The following CLMN variants were observed in gnomAD, a reference collection of about 807,000 sequenced individuals.
CLMN encodes the protein calmin (calponin-like, transmembrane).
A neutral mutation model predicts 92.7 loss-of-function variants in CLMN; 57 were observed. The ratio of observed to expected loss-of-function variants is 0.61; its 90% CI spans 0.50 to 0.77. The LOEUF is 0.77. Ranked by LOEUF, CLMN falls within the 30% of genes least tolerant of loss-of-function variation. The probability of loss-of-function intolerance (pLI) is 0.00; values close to 1 mark genes in which losing one functional copy is unlikely to be tolerated. For synonymous variants in CLMN, 466 were observed against 470.6 expected (o/e 0.99, Z 0.13); for missense variants, 1,158 against 1,237.5 (o/e 0.94, Z 0.96).
intron 1 of CLMN, chr14:95,307,409 T>C (rs1901332748): frequency 6.6e-6 from 1 of 152,278 alleles, no homozygotes; most frequent in South Asian, 2.1e-4. Context: ...CAAATCCAAG[T>C]GTAGCAGTGC....
chr14:95,213,079 G>A (rs955928827), intron 6 of CLMN, 140 bp downstream of exon 6: 8 of 894,610 alleles, frequency 8.9e-6, no homozygotes, highest in East Asian at 2.8e-5. Flanking sequence ...GAGCCACCGC[G>A]CCTGCCCCCT....
chr14:95,290,627 A>C (rs895505565), intron 1 of CLMN, among the ~76,000 whole-genome samples: 1 of 152,234 alleles, frequency 6.6e-6, no homozygotes, highest in African/African-American at 2.4e-5. Context: ...CTTCAGAAGG[A>C]ACGCAGTATT....
rs570995733 is a variant in CLMN at position 95,314,559 on chromosome 14, C to T, written c.82+5152G>A. On this transcript the variant is annotated intron_variant, in intron 1 of 12. Coordinates refer to ENST00000298912, the MANE Select transcript of CLMN (RefSeq NM_024734.4). ...CCCTCTCATTTTGCAAATGAGGAAA[C>T]TAAGGAACCACAAGGGAGAGAGATT... Among the ~76,000 whole-genome samples the T allele has an allele frequency of 2.0e-5, 3 of 152,290 alleles. No individual in the cohort carries two copies. The East Asian group carries it at 5.8e-4, about 29-fold the overall frequency.
In CLMN at chr14:95,182,696, G is replaced by A. The variant is rs1896356265; in HGVS notation, c.*8868C>T. 1 of 152,184 alleles carries A rather than the reference G, an allele frequency of 6.6e-6. No homozygotes were observed. The highest frequency in any genetic ancestry group is 2.4e-5 in the African/African-American group (1 of 41,428). The allele number at this position is 152,184 out of a possible 1,614,324, so 9.4% of individuals were successfully genotyped here. On this transcript the variant is annotated 3_prime_UTR_variant, in exon 13 of 13. Transcript: ENST00000298912. The stretch of plus-strand genomic sequence containing the variant: ...AGTAGAATTTCAGAAGCCTTTTTGA[G>A]TCGTTACTCGGGGAAGGGGAAAAGA...
chr14:95,257,611 T>G (rs1474310306), intron 1 of CLMN, among the ~76,000 whole-genome samples: 1 of 152,264 alleles, frequency 6.6e-6, no homozygotes, highest in East Asian at 1.9e-4. Flanking sequence ...GTTTAATTCT[T>G]TCAACGACAA....
chr14:95,200,278 T>A (rs1020156634), intron 9 of CLMN, among the ~76,000 whole-genome samples: 7 of 152,178 alleles, frequency 4.6e-5, no homozygotes, highest in Non-Finnish European at 8.8e-5. Flanking sequence ...GGCCCATCTC[T>A]AATGGCTGAG....
chr14:95,257,712 G>A (rs1899057967), intron 1 of CLMN, among the ~76,000 whole-genome samples: 1 of 152,234 alleles, frequency 6.6e-6, no homozygotes. Flanking sequence ...CCATGTTCTA[G>A]TAAGACTTCC....
intron 1 of CLMN, among the ~76,000 whole-genome samples, chr14:95,306,440 A>G (rs900922387): frequency 1.3e-5 from 2 of 151,962 alleles, no homozygotes; most frequent in Non-Finnish European, 2.9e-5. Flanking sequence ...AATTGCTTGA[A>G]CCCAAAAGGC....
At chr14:95,303,776 C>T (rs1901159377) in intron 1 of CLMN, among the ~76,000 whole-genome samples, 1 of 152,166 alleles carries the variant, frequency 6.6e-6, no homozygotes, top group African/African-American at 2.4e-5. Context: ...TGGCTGTTTG[C>T]CAGCCTCCCA....
At position 95,194,179 on chromosome 14, in the gene CLMN, C is replaced by T. The variant is rs1342278110; in HGVS notation, c.2770-260G>A. 9.3e-6 allele frequency: 13 copies of T among 1,403,058 alleles called. No homozygotes were observed. Among genetic ancestry groups the T allele is most frequent in the Non-Finnish European group, 1.1e-5 (12 of 1,084,062 alleles). 86.9% of individuals were successfully genotyped at this position (1,403,058 alleles called of 1,614,324 possible). Reference sequence around the variant, plus strand: ...GGGTGTGCTGCTCCGGGTTCTAACACATCTGCTACTGAGCACGTGCCACTG... The same window carrying T: ...GGGTGTGCTGCTCCGGGTTCTAACATATCTGCTACTGAGCACGTGCCACTG... On this transcript the variant is annotated intron_variant, in intron 11 of 12. Transcript: ENST00000298912. This position sits in a 1 kb window ranked among gnomAD's most constrained non-coding sequence, Gnocchi z 4.0.
At chr14:95,198,042 CTTTTTTT>C (rs1019598103) in intron 9 of CLMN, among the ~76,000 whole-genome samples, 27 of 69,960 alleles carry the variant, frequency 3.9e-4, no homozygotes, top group African/African-American at 9.5e-4. Flanking sequence ...TTTTTTCTTT[CTTTTTTT>C]TTTTTTTTTT....
At chr14:95,241,198 A>G (rs1461080081) in intron 1 of CLMN, among the ~76,000 whole-genome samples, 1 of 152,080 alleles carries the variant, frequency 6.6e-6, no homozygotes, top group Non-Finnish European at 1.5e-5. Flanking sequence ...TTTTAAGTGC[A>G]TGGAAAGGCC....
chr14:95,276,849 G>T (rs1899949275), intron 1 of CLMN, among the ~76,000 whole-genome samples: 1 of 152,194 alleles, frequency 6.6e-6, no homozygotes, highest in Admixed American at 6.5e-5. Context: ...TGGCCAAAAT[G>T]GAAAATGTTA....
intron 1 of CLMN, among the ~76,000 whole-genome samples, chr14:95,306,225 G>C (rs1314246817): frequency 6.6e-6 from 1 of 152,146 alleles, no homozygotes; most frequent in African/African-American, 2.4e-5. Context: ...CAAGAAGAGA[G>C]AACTAGCCAG....
intron 9 of CLMN, 42 bp downstream of exon 9, chr14:95,202,795 TC>T: frequency 6.7e-7 from 1 of 1,498,256 alleles, no homozygotes; most frequent in Non-Finnish European, 8.9e-7. Flanking sequence ...CTATCAAGTT[TC>T]CCAGGCAGGA....
Position 95,204,017 on chromosome 14 carries a change from A to T in CLMN, c.1332T>A (p.Leu444=). The stretch of plus-strand genomic sequence containing the variant: ...CCACTCTTGGGCTCCCTTCAAAGCA[A>T]AGGGACAGGTTCTTACTGCAGAAAG... ...KDPFCSKNLS[L]CFEGSPRVAK... Residue 444 remains leucine (L), a synonymous_variant, in exon 9 of 13, where the codon CTT becomes CTA. Coordinates refer to ENST00000298912, the MANE Select transcript of CLMN (RefSeq NM_024734.4). 1.2e-6 allele frequency: 2 copies of T among 1,614,190 alleles called. No individual in the cohort carries two copies. Among genetic ancestry groups the T allele is most frequent in the Non-Finnish European group, 1.7e-6 (2 of 1,180,038 alleles).
chr14:95,213,899 T>C (rs565225601), intron 5 of CLMN, among the ~76,000 whole-genome samples: 1 of 152,168 alleles, frequency 6.6e-6, no homozygotes, highest in African/African-American at 2.4e-5. Flanking sequence ...AATCAGAATC[T>C]GTTTCAATAC....
intron 3 of CLMN, chr14:95,222,602 G>A (rs895005236): frequency 4.4e-6 from 2 of 455,892 alleles, no homozygotes; most frequent in Admixed American, 2.4e-5. Flanking sequence ...CCAGGGCTCT[G>A]GCAATAAAGT....
intron 5 of CLMN, 143 bp downstream of exon 5, chr14:95,215,498 A>C (rs1897310565): frequency 6.0e-6 from 4 of 670,736 alleles, no homozygotes; most frequent in Non-Finnish European, 7.8e-6. Context: ...AGATTCTTCT[A>C]GTGCTTTTTC....
Sources: allele counts gnomAD v4.1 joint callset (sites outside exome capture counted in the v4.1 genomes callset), GRCh38; gene constraint gnomAD v4.1.1; non-coding constraint Gnocchi (gnomAD v3.1); transcripts MANE v1.5; gene names NCBI Gene and HGNC (gene_info 2026-07-23, HGNC 2026-07-21).